CPD: variants seen among roughly 807,000 people sequenced by gnomAD.
The protein encoded by CPD is metallocarboxypeptidase D.
CPD carries 69 observed loss-of-function variants against 138.3 expected under a neutral mutation model. That is an observed-to-expected ratio of 0.50 (90% CI 0.41 to 0.61). The LOEUF is 0.61. CPD is among the 20% of genes least tolerant of loss of function. The probability of loss-of-function intolerance (pLI) is 0.00; values close to 1 mark genes in which losing one functional copy is unlikely to be tolerated. For synonymous variants in CPD, 651 were observed against 642.1 expected, an observed-to-expected ratio of 1.01 and a Z score of -0.21; for missense variants, 1,432 against 1,733.3, an observed-to-expected ratio of 0.83 and a Z score of 3.09.
intron 1 of CPD, among the ~76,000 whole-genome samples, chr17:30,384,403 A>T (rs1222046990): frequency 6.6e-6 from 1 of 152,344 alleles, no homozygotes; most frequent in East Asian, 1.9e-4. Flanking sequence ...ACATATATGC[A>T]ATGAATATTT....
rs567752059 is a variant in CPD at position 30,431,822 on chromosome 17, A to T, written c.2068A>T (p.Thr690Ser). 1.9e-6 allele frequency: 3 copies of T among 1,613,296 alleles called. No homozygotes were observed. In the South Asian group the frequency reaches 3.3e-5, roughly 18 times the overall value. The change falls in exon 8 of 21, where the codon ACA (threonine) becomes TCA (serine). Residue 690 changes from threonine to serine, a missense_variant. Physicochemically the swap from Thr to Ser is moderately conservative, Grantham distance 58. This residue lies in a region of CPD where 297 missense variants were observed against 405.3 expected (regional missense o/e 0.73). Coordinates refer to ENST00000225719, the MANE Select transcript of CPD (RefSeq NM_001304.5). The stretch of plus-strand genomic sequence containing the variant: ...TGATGATGATGAACAAGGACTTGCC[A>T]CATATAGTAAATCACCAGATGATGC... ...PFDDDEQGLA[T>S]YSKSPDDAVF...
Position 30,462,054 on chromosome 17 carries a change from C to A in CPD, c.3808C>A (p.His1270Asn). ...CATCGCTGATGGGTACCAGCAACAA[C>A]ATTCACAGGTAAGAAACTCAAATTG... is the stretch of plus-strand genomic sequence containing the variant. ...IAIADGYQQQ[H>N]SQVFVHHDAA... is the part of the protein sequence containing the mutation. Residue 1270 changes from histidine (H) to asparagine (N), a missense_variant, in exon 19 of 21, where the codon CAT (histidine) becomes AAT (asparagine). Around this residue, in one of 6 missense-constraint regions of CPD, gnomAD observed 366 missense variants for 518.8 expected, o/e 0.71. Coordinates refer to ENST00000225719, the MANE Select transcript of CPD (RefSeq NM_001304.5). 1 of 1,606,396 alleles carries A rather than the reference C, an allele frequency of 6.2e-7. No individual in the cohort carries two copies. The highest frequency in any genetic ancestry group is 8.5e-7 in the Non-Finnish European group (1 of 1,177,586).
intron 4 of CPD, among the ~76,000 whole-genome samples, chr17:30,422,459 T>A (rs1261900473): frequency 6.6e-6 from 1 of 152,206 alleles, no homozygotes; most frequent in Admixed American, 6.5e-5. Context: ...TGTGTGGTAC[T>A]TGAGAAGATT....
intron 1 of CPD, among the ~76,000 whole-genome samples, chr17:30,381,084 T>A (rs1283779855): frequency 6.6e-6 from 1 of 152,248 alleles, no homozygotes; most frequent in Non-Finnish European, 1.5e-5. Context: ...TTCTATCTTT[T>A]ACTTTACTCC....
chr17:30,385,395 A>T (rs1298660911), intron 2 of CPD, 159 bp downstream of exon 2: 7 of 798,432 alleles, frequency 8.8e-6, no homozygotes, highest in Non-Finnish European at 1.3e-5. Context: ...TTGAAGGACT[A>T]CATGAAGACC....
intron 9 of CPD, among the ~76,000 whole-genome samples, chr17:30,439,310 T>A (rs1022041201): frequency 1.3e-5 from 2 of 151,786 alleles, no homozygotes; most frequent in African/African-American, 4.8e-5. Flanking sequence ...ATTTTACTTC[T>A]GGCTATTAGA....
chr17:30,431,983 A>G, intron 8 of CPD, 102 bp downstream of exon 8: 1 of 755,850 alleles, frequency 1.3e-6, no homozygotes, highest in Non-Finnish European at 2.1e-6. Context: ...TCCATAGTTA[A>G]TAAAGCATGA....
chr17:30,466,305 A>C lies in CPD; in HGVS notation c.*1491A>C, dbSNP rs1282918030. 6.6e-6 allele frequency: 1 copy of C among 152,616 alleles called. No homozygotes were observed. Among genetic ancestry groups the C allele is most frequent in the Middle Eastern group, 3.2e-3 (1 of 316 alleles). 9.5% of individuals were successfully genotyped at this position (152,616 alleles called of 1,614,324 possible). ...TGTATTCTATATCCATTAATGTATCAGTTATCCCAAAGCCTTCAGGTGGAG... is the reference window on the plus strand; with the variant it reads ...TGTATTCTATATCCATTAATGTATCCGTTATCCCAAAGCCTTCAGGTGGAG... On this transcript the variant is annotated 3_prime_UTR_variant, in exon 21 of 21. Transcript: ENST00000225719.
chr17:30,395,327 A>C (rs187821481), intron 2 of CPD, among the ~76,000 whole-genome samples: 52 of 152,176 alleles, frequency 3.4e-4, no homozygotes, highest in African/African-American at 1.2e-3. Flanking sequence ...TTGATAATCA[A>C]ATGTGCATTA....
chr17:30,388,567 C>T (rs895651959), intron 2 of CPD, among the ~76,000 whole-genome samples: 6 of 152,176 alleles, frequency 3.9e-5, no homozygotes, highest in Admixed American at 6.5e-5. Context: ...TAGGAGCAGA[C>T]GCAAGAATGG....
intron 2 of CPD, among the ~76,000 whole-genome samples, chr17:30,414,740 T>C (rs1326004461): frequency 6.6e-6 from 1 of 152,156 alleles, no homozygotes; most frequent in Non-Finnish European, 1.5e-5. Flanking sequence ...GGATATAAAA[T>C]GTGAATCCAA....
intron 6 of CPD, 46 bp downstream of exon 6, chr17:30,423,743 A>G (rs1208619272): frequency 7.5e-7 from 1 of 1,324,610 alleles, no homozygotes; most frequent in Non-Finnish European, 1.0e-6. Context: ...ATCATATAGA[A>G]TGATTATTTT....
chr17:30,407,473 A>G (rs944417284), intron 2 of CPD, among the ~76,000 whole-genome samples: 1 of 152,144 alleles, frequency 6.6e-6, no homozygotes, highest in Non-Finnish European at 1.5e-5. Flanking sequence ...CGTCTCCAGT[A>G]TCTATTGTTT....
At chr17:30,462,909 GC>G (rs1913529421) in intron 20 of CPD, among the ~76,000 whole-genome samples, 1 of 152,176 alleles carries the variant, frequency 6.6e-6, no homozygotes, top group Non-Finnish European at 1.5e-5. Flanking sequence ...GATGGGTTGG[GC>G]TAGTTATCTG....
intron 12 of CPD, among the ~76,000 whole-genome samples, chr17:30,449,176 ATACT>A (rs1913103326): frequency 1.3e-5 from 2 of 152,124 alleles, no homozygotes; most frequent in Admixed American, 6.5e-5. Context: ...ATGTTCATAC[ATACT>A]TAAATATTTC....
At chr17:30,439,165 G>A in intron 9 of CPD, 88 bp downstream of exon 9, 1 of 693,132 alleles carries the variant, frequency 1.4e-6, no homozygotes, top group Non-Finnish European at 2.5e-6. Context: ...TTTTAGTTTT[G>A]AGGAATAATA....
intron 1 of CPD, among the ~76,000 whole-genome samples, chr17:30,383,844 T>G (rs1451894332): frequency 6.6e-6 from 1 of 152,182 alleles, no homozygotes; most frequent in African/African-American, 2.4e-5. Flanking sequence ...CTATTTAGAA[T>G]GGAAAAAGAA....
At chr17:30,400,959 G>A (rs993126441) in intron 2 of CPD, among the ~76,000 whole-genome samples, 1 of 151,824 alleles carries the variant, frequency 6.6e-6, no homozygotes. Flanking sequence ...TTACAGGCGT[G>A]AGCCACTGCA....
Position 30,379,069 on chromosome 17 carries a change from G to T in CPD, c.89G>T (p.Arg30Leu), listed in dbSNP as rs866561541. ...CTGCTGCTGCTGGGGAGCTCGGCCC[G>T]GGCGGCTCACATCAAGAAGGCGGAG... ...MCLLLLGSSA[R>L]AAHIKKAEAT... Residue 30 changes from arginine to leucine, a missense_variant, in exon 1 of 21, where the codon CGG becomes CTG. Arg to Leu is a moderately radical substitution (Grantham distance 102). Transcript: ENST00000225719. This position sits in a 1 kb window ranked among gnomAD's most constrained non-coding sequence, Gnocchi z 7.0. The T allele has an allele frequency of 4.5e-6, 7 of 1,561,062 alleles. No individual in the cohort carries two copies. The highest frequency in any genetic ancestry group is 6.0e-6 in the Non-Finnish European group (7 of 1,160,062).
Sources: allele counts gnomAD v4.1 joint callset (sites outside exome capture counted in the v4.1 genomes callset), GRCh38; gene constraint gnomAD v4.1.1; regional missense constraint gnomAD v4.1.1; non-coding constraint Gnocchi (gnomAD v3.1); transcripts MANE v1.5; gene names NCBI Gene and HGNC (gene_info 2026-07-23, HGNC 2026-07-21).